WSCD2: variants seen among roughly 807,000 people sequenced by gnomAD.
WSCD2 encodes sialate:O-sulfotransferase 2.
Under a neutral mutation model 55.7 loss-of-function variants are expected in WSCD2, and 28 were observed. The observed-to-expected ratio is 0.50, with a 90% CI of 0.37 to 0.69. The LOEUF (loss-of-function observed/expected upper bound fraction) is 0.69, where lower values mean the gene tolerates loss of function less well. Among genes scored for constraint, WSCD2 ranks in the 30% least tolerant of loss-of-function variants. The pLI, the probability that WSCD2 is intolerant of heterozygous loss-of-function variation, is 0.00. For missense variants in WSCD2, 616 were observed against 762.1 expected (o/e 0.81, Z 2.26); for synonymous variants, 301 against 301.9 (o/e 1.00, Z 0.03).
At chr12:108,192,325 G>C (rs1334850403) in intron 1 of WSCD2, among the ~76,000 whole-genome samples, 1 of 152,200 alleles carries the variant, frequency 6.6e-6, no homozygotes, top group Admixed American at 6.5e-5. Flanking sequence ...TTGCTGAGAA[G>C]GGATGTCTTG....
At chr12:108,231,160 G>C (rs1200319137) in intron 6 of WSCD2, among the ~76,000 whole-genome samples, 1 of 152,074 alleles carries the variant, frequency 6.6e-6, no homozygotes, top group Non-Finnish European at 1.5e-5. Flanking sequence ...GAGGTGAGGG[G>C]CCATGGGAGG....
chr12:108,206,626 C>T (rs1490088656), intron 3 of WSCD2, among the ~76,000 whole-genome samples: 1 of 152,226 alleles, frequency 6.6e-6, no homozygotes, highest in Non-Finnish European at 1.5e-5. Flanking sequence ...TGTGGTTGTG[C>T]AACTGTGTCA....
chr12:108,226,964 CTCT>C (rs573039619), intron 5 of WSCD2, 23 bp from the exon 6 acceptor site: 58 of 1,603,150 alleles, frequency 3.6e-5, no homozygotes, highest in South Asian at 2.2e-4. Context: ...AACTCTCTTC[CTCT>C]TCTTCTCCCA....
At chr12:108,154,453 C>T (rs982540165) in intron 1 of WSCD2, among the ~76,000 whole-genome samples, 28 of 152,312 alleles carry the variant, frequency 1.8e-4, no homozygotes, top group Admixed American at 1.6e-3. Flanking sequence ...CTGCTGCCCT[C>T]ATAAGGATGC....
chr12:108,138,728 T>C (rs1239815454), intron 1 of WSCD2, among the ~76,000 whole-genome samples: 2 of 152,234 alleles, frequency 1.3e-5, no homozygotes, highest in African/African-American at 2.4e-5. Flanking sequence ...CTCCAATAAG[T>C]TTTCTCTTTG....
At chr12:108,136,904 G>T (rs11113759) in intron 1 of WSCD2, among the ~76,000 whole-genome samples, 3,249 of 152,292 alleles carry the variant, frequency 0.021, 110 homozygotes, top group African/African-American at 0.074. Context: ...AGTAAACATG[G>T]GTTTATCAGT....
intron 1 of WSCD2, among the ~76,000 whole-genome samples, chr12:108,176,387 C>T (rs1325434381): frequency 6.6e-6 from 1 of 152,150 alleles, no homozygotes; most frequent in African/African-American, 2.4e-5. Context: ...CTGCCATTAC[C>T]AGAGTGTCAT....
rs1174621569 is a variant in WSCD2, at chr12:108,248,205, C to T, written c.1560C>T (p.Arg520=). The stretch of plus-strand genomic sequence containing the variant: ...GCCAGAAGGATGGCAACTTCAAGCG[C>T]TCAGGGCTCCGGAAGCTCGAGTATG... ...VESQKDGNFK[R]SGLRKLEYDP... Residue 520 remains arginine, a synonymous_variant, in exon 9 of 9, where the codon CGC becomes CGT. Coordinates refer to ENST00000547525, the MANE Select transcript of WSCD2 (RefSeq NM_014653.4). The surrounding 1 kb of genome is among the most constrained non-coding windows in gnomAD (Gnocchi z 4.3). The T allele has an allele frequency of 6.2e-7, 1 of 1,614,216 alleles. No homozygotes were observed. Among genetic ancestry groups the T allele is most frequent in the South Asian group, 1.1e-5 (1 of 91,088 alleles).
chr12:108,229,844 T>A (rs1211065180), intron 6 of WSCD2, among the ~76,000 whole-genome samples: 2 of 145,806 alleles, frequency 1.4e-5, no homozygotes, highest in African/African-American at 2.6e-5. Flanking sequence ...ACCCGACCTA[T>A]CAACCCAACA....
At chr12:108,232,202 G>A (rs1446273808) in intron 6 of WSCD2, among the ~76,000 whole-genome samples, 1 of 152,144 alleles carries the variant, frequency 6.6e-6, no homozygotes, top group Non-Finnish European at 1.5e-5. Flanking sequence ...TACTCAAAAG[G>A]CATAGATATT....
intron 1 of WSCD2, among the ~76,000 whole-genome samples, chr12:108,170,500 G>A (rs1376781750): frequency 1.3e-5 from 2 of 152,132 alleles, no homozygotes; most frequent in Non-Finnish European, 2.9e-5. Flanking sequence ...ACTCTTCTAA[G>A]TGCTTTAATT....
intron 1 of WSCD2, among the ~76,000 whole-genome samples, chr12:108,152,009 G>GCGT (rs972149358): frequency 6.6e-6 from 1 of 152,156 alleles, no homozygotes. Flanking sequence ...TCCAAGGGCG[G>GCGT]CGTCGCTGCT....
chr12:108,158,817 G>A (rs1163773845), intron 1 of WSCD2, among the ~76,000 whole-genome samples: 2 of 152,098 alleles, frequency 1.3e-5, no homozygotes, highest in African/African-American at 4.8e-5. Context: ...TATTACCTGA[G>A]CACCTCCTAT....
chr12:108,246,369 G>T (rs1890082570), intron 8 of WSCD2, among the ~76,000 whole-genome samples: 1 of 152,206 alleles, frequency 6.6e-6, no homozygotes, highest in South Asian at 2.1e-4. Context: ...TTCTTCTGTT[G>T]CCTGCTCTGG....
At position 108,195,793 on chromosome 12, in the gene WSCD2, C is replaced by T. The variant is rs1405467362; in HGVS notation, c.-40C>T. 4 of 1,561,798 alleles carry T rather than the reference C, an allele frequency of 2.6e-6. No individual in the cohort carries two copies. The highest frequency in any genetic ancestry group is 1.7e-4 in the Middle Eastern group (1 of 5,802). On this transcript the variant is annotated 5_prime_UTR_variant, in exon 2 of 9. Coordinates refer to ENST00000547525, the MANE Select transcript of WSCD2 (RefSeq NM_014653.4). ...CCCCTTCCATCCTCTCCCAAGCACC[C>T]CAGCCAAGCCCCAGAGAGCCAGTCC...
At chr12:108,174,664 G>A (rs1015931500) in intron 1 of WSCD2, among the ~76,000 whole-genome samples, 2 of 151,972 alleles carry the variant, frequency 1.3e-5, no homozygotes, top group African/African-American at 4.8e-5. Flanking sequence ...GCCCAGGCTC[G>A]AGTGCAGTGG....
At position 108,210,103 on chromosome 12, in the gene WSCD2, G is replaced by A. The variant is rs1406885079; in HGVS notation, c.498-18G>A. 6.2e-7 allele frequency: 1 copy of A among 1,613,950 alleles called. No homozygotes were observed. On this transcript the variant is annotated intron_variant, in intron 3 of 8. Coordinates refer to ENST00000547525, the MANE Select transcript of WSCD2 (RefSeq NM_014653.4). This position sits in a 1 kb window ranked among gnomAD's most constrained non-coding sequence, Gnocchi z 4.3. ...CTCCATGGTGGCAGCTACCCTGCTTGACAGCAGCCTCCCCCAGGGGTTACC... is the reference window on the plus strand; with the variant it reads ...CTCCATGGTGGCAGCTACCCTGCTTAACAGCAGCCTCCCCCAGGGGTTACC...
rs746565801 is a variant in WSCD2 at position 108,227,068 on chromosome 12, G to C, written c.883G>C (p.Glu295Gln). ...CACCCGATTCCCGCTCCATGACAGAGAGGATGAGCAGCTCTGTGCCCAGAA... is the reference window on the plus strand; with the variant it reads ...CACCCGATTCCCGCTCCATGACAGACAGGATGAGCAGCTCTGTGCCCAGAA... ...PTTRFPLHDR[E>Q]DEQLCAQKCS... The change falls in exon 6 of 9, where the codon GAG becomes CAG. Residue 295 changes from glutamate (E) to glutamine (Q), a missense_variant. By Grantham distance (29) the Glu-to-Gln change is conservative (BLOSUM62 2). Coordinates refer to ENST00000547525, the MANE Select transcript of WSCD2 (RefSeq NM_014653.4). 6 of 1,614,120 alleles carry C rather than the reference G, an allele frequency of 3.7e-6. No homozygotes were observed. The highest frequency in any genetic ancestry group is 2.7e-5 in the African/African-American group (2 of 74,952).
At chr12:108,216,041 C>T (rs868082911) in intron 4 of WSCD2, among the ~76,000 whole-genome samples, 1 of 152,088 alleles carries the variant, frequency 6.6e-6, no homozygotes, top group East Asian at 1.9e-4. Context: ...ACTGTGGGGC[C>T]GAGAGGATTT....
Sources: allele counts gnomAD v4.1 joint callset (sites outside exome capture counted in the v4.1 genomes callset), GRCh38; gene constraint gnomAD v4.1.1; non-coding constraint Gnocchi (gnomAD v3.1); transcripts MANE v1.5; gene names NCBI Gene and HGNC (gene_info 2026-07-23, HGNC 2026-07-21).